Variants in S100Z observed in about 807,000 individuals in gnomAD.
The protein encoded by S100Z is protein S100-Z.
S100Z carries 11 observed loss-of-function variants against 8.5 expected under a neutral mutation model. The ratio of observed to expected loss-of-function variants is 1.30; its 90% CI spans 0.82 to 2.15. S100Z has a LOEUF of 2.15. Among genes scored for constraint, S100Z ranks in the 30% most tolerant of loss-of-function variants. The probability of loss-of-function intolerance (pLI) is 0.00; values close to 1 mark genes in which losing one functional copy is unlikely to be tolerated. For synonymous variants in S100Z, 34 were observed against 43.8 expected (o/e 0.78, Z 0.89); for missense variants, 126 against 117.9 (o/e 1.07, Z -0.32).
intron 4 of S100Z, among the ~76,000 whole-genome samples, chr5:76,897,901 C>T (rs1744096940): frequency 6.6e-6 from 1 of 152,038 alleles, no homozygotes; most frequent in Non-Finnish European, 1.5e-5. Context: ...TTAGGTTTTT[C>T]CAAATATGAG....
chr5:76,892,909 T>G (rs1430207309), intron 4 of S100Z, among the ~76,000 whole-genome samples: 1 of 152,202 alleles, frequency 6.6e-6, no homozygotes, highest in African/African-American at 2.4e-5. Flanking sequence ...TCTTTGTCCC[T>G]TACCTATGAA....
chr5:76,914,613 G>A (rs573725968), intron 4 of S100Z, among the ~76,000 whole-genome samples: 23 of 152,052 alleles, frequency 1.5e-4, no homozygotes, highest in Non-Finnish European at 3.1e-4. Context: ...CACACTTACC[G>A]TGAAGGTCTG....
chr5:76,879,442 G>A (rs1251439734), intron 4 of S100Z, among the ~76,000 whole-genome samples: 1 of 152,182 alleles, frequency 6.6e-6, no homozygotes, highest in Non-Finnish European at 1.5e-5. Context: ...AGCAAATGAT[G>A]CCTTTTACTA....
At chr5:76,908,397 C>G (rs1744529438) in intron 4 of S100Z, among the ~76,000 whole-genome samples, 1 of 152,166 alleles carries the variant, frequency 6.6e-6, no homozygotes. Flanking sequence ...GGTCCTAATG[C>G]CTGCCAGACA....
At chr5:76,908,464 G>A (rs892088251) in intron 4 of S100Z, among the ~76,000 whole-genome samples, 12 of 152,110 alleles carry the variant, frequency 7.9e-5, no homozygotes, top group Non-Finnish European at 1.3e-4. Context: ...ACCACTCCCT[G>A]TCTCTGGTGC....
chr5:76,876,212 A>C (rs1316663627), intron 3 of S100Z, among the ~76,000 whole-genome samples: 1 of 152,196 alleles, frequency 6.6e-6, no homozygotes, highest in African/African-American at 2.4e-5. Context: ...CCTTGTGTTA[A>C]GACTACAGAG....
intron 1 of S100Z, among the ~76,000 whole-genome samples, chr5:76,866,907 T>C (rs1742766372): frequency 6.6e-6 from 1 of 152,270 alleles, no homozygotes; most frequent in Non-Finnish European, 1.5e-5. Context: ...GTATAATTTC[T>C]ACTTTGTTAG....
At chr5:76,938,180 A>G in the S100Z span, among the ~76,000 whole-genome samples, 1 of 152,210 alleles carries the variant, frequency 6.6e-6, no homozygotes, top group Non-Finnish European at 1.5e-5. Context: ...AGGGGACTCA[A>G]TCAATGCCTG....
the S100Z span, among the ~76,000 whole-genome samples, chr5:76,951,185 T>C: frequency 1.3e-5 from 2 of 152,236 alleles, no homozygotes; most frequent in Non-Finnish European, 2.9e-5. Context: ...TATGCTATGA[T>C]GTTTGTAAAA....
intron 1 of S100Z, among the ~76,000 whole-genome samples, chr5:76,855,226 C>T (rs1367008782): frequency 6.6e-6 from 1 of 152,194 alleles, no homozygotes; most frequent in Non-Finnish European, 1.5e-5. Flanking sequence ...ACAGAGTCCC[C>T]GTTGGGGCAT....
intron 3 of S100Z, among the ~76,000 whole-genome samples, chr5:76,877,372 G>A (rs1264104670): frequency 6.6e-6 from 1 of 152,064 alleles, no homozygotes; most frequent in South Asian, 2.1e-4. Context: ...CTAGTGTCCT[G>A]GCTCTCAACC....
At chr5:76,890,932 G>A (rs772004289) in intron 4 of S100Z, among the ~76,000 whole-genome samples, 4 of 152,082 alleles carry the variant, frequency 2.6e-5, no homozygotes, top group African/African-American at 7.2e-5. Flanking sequence ...GCACAGTCTC[G>A]GCTCACTGCA....
the S100Z span, among the ~76,000 whole-genome samples, chr5:76,948,348 A>AATAAATAAATAAATAC: frequency 6.6e-6 from 1 of 151,864 alleles, no homozygotes; most frequent in Non-Finnish European, 1.5e-5. Context: ...TAAATAAATA[A>AATAAATAAATAAATAC]ATGCCTTCTG....
In S100Z at chr5:76,898,934, T is replaced by TTTC. The variant is rs1744137387; in HGVS notation, c.*2+21102_*2+21103insCTT. 1.5e-4 allele frequency among the ~76,000 whole-genome samples: 3 copies of TTTC among 20,278 alleles called. No individual in the cohort carries two copies. In the Admixed American group the frequency reaches 1.8e-3, roughly 12 times the overall value. The allele number at this position is 20,278 out of a possible 152,430, so 13.3% of individuals were successfully genotyped here. A position where few individuals can be genotyped will look rare whatever the true frequency, so the allele number is the denominator to read the frequency against. On this transcript the variant is annotated intron_variant, in intron 4 of 4. Transcript: ENST00000317593. ...CATTGGGTCCTGGGCTTTTCTTTTC[T>TTTC]TTTTTTTTTTTTTTTTTTGAGACAG... is the stretch of plus-strand genomic sequence containing the variant.
At chr5:76,894,831 C>T (rs941365673) in intron 4 of S100Z, among the ~76,000 whole-genome samples, 1 of 152,012 alleles carries the variant, frequency 6.6e-6, no homozygotes, top group African/African-American at 2.4e-5. Flanking sequence ...TCAGGTGATC[C>T]ACCCGCCTCG....
chr5:76,863,168 G>A (rs1450536843), intron 1 of S100Z, among the ~76,000 whole-genome samples: 1 of 152,170 alleles, frequency 6.6e-6, no homozygotes, highest in Non-Finnish European at 1.5e-5. Flanking sequence ...TGTTTTTCTG[G>A]ACGGTAGGGG....
At chr5:76,947,852 C>T in the S100Z span, among the ~76,000 whole-genome samples, 2 of 151,884 alleles carry the variant, frequency 1.3e-5, no homozygotes, top group African/African-American at 2.4e-5. Context: ...AAATCTTACA[C>T]AAAAATCAAC....
chr5:76,926,878 A>G, the S100Z span, among the ~76,000 whole-genome samples: 3 of 152,314 alleles, frequency 2.0e-5, no homozygotes, highest in East Asian at 1.9e-4. Context: ...AAACGTCTGT[A>G]TAAACACAAG....
the S100Z span, among the ~76,000 whole-genome samples, chr5:76,930,953 C>G: frequency 6.6e-6 from 1 of 152,238 alleles, no homozygotes; most frequent in Non-Finnish European, 1.5e-5. Context: ...CGAGAGCAGC[C>G]TATGAGAGCT....
Sources: gnomAD v4.1 joint callset for allele counts (sites outside exome capture counted in the v4.1 genomes callset) on GRCh38, gnomAD v4.1.1 for gene constraint, MANE v1.5 for transcripts, NCBI Gene and HGNC (gene_info 2026-07-23, HGNC 2026-07-21) for gene names.